The following LYRM4 variants were observed in gnomAD, a reference collection of about 807,000 sequenced individuals.
LYRM4 encodes LYR motif containing 4.
In LYRM4, 9 loss-of-function variants were observed where a neutral mutation model predicts 11.7. The ratio of observed to expected loss-of-function variants is 0.77; its 90% CI spans 0.46 to 1.34. LYRM4 has a LOEUF of 1.34. Ranked by LOEUF, LYRM4 falls within the 40% of genes most tolerant of loss-of-function variation. The pLI, the probability that LYRM4 is intolerant of heterozygous loss-of-function variation, is 0.00. For missense variants in LYRM4, 133 were observed against 112.5 expected, an observed-to-expected ratio of 1.18 and a Z score of -0.82; for synonymous variants, 42 against 40.4, an observed-to-expected ratio of 1.04 and a Z score of -0.15.
chr6:5,034,355 G>A, the LYRM4 span: 1 of 152,238 alleles, frequency 6.6e-6, no homozygotes, highest in South Asian at 2.1e-4. Context: ...GATGATGTCT[G>A]ATACAGTTTG....
intron 2 of LYRM4, among the ~76,000 whole-genome samples, chr6:5,164,276 T>C (rs1365686636): frequency 2.6e-5 from 4 of 152,132 alleles, no homozygotes; most frequent in Non-Finnish European, 4.4e-5. Context: ...AAAGTTCACA[T>C]TGGCACTATT....
chr6:5,048,290 GGTGTGTGTGTGT>G, the LYRM4 span, among the ~76,000 whole-genome samples: 136 of 140,056 alleles, frequency 9.7e-4, no homozygotes, highest in East Asian at 1.1e-3. Flanking sequence ...GACACTTTGT[GGTGTGTGTGTGT>G]GTGTGTGTGT....
intron 2 of LYRM4, among the ~76,000 whole-genome samples, chr6:5,176,165 A>G (rs1759710350): frequency 6.6e-6 from 1 of 151,898 alleles, no homozygotes; most frequent in South Asian, 2.1e-4. Context: ...CCCGGGTTCA[A>G]ACTATACTTC....
chr6:5,142,192 A>G (rs1387034493), intron 2 of LYRM4, among the ~76,000 whole-genome samples: 1 of 151,672 alleles, frequency 6.6e-6, no homozygotes, highest in Non-Finnish European at 1.5e-5. Context: ...ACGCTGTACA[A>G]CTCCTGAGGC....
At chr6:5,170,898 A>C (rs574044768) in intron 2 of LYRM4, among the ~76,000 whole-genome samples, 1 of 152,240 alleles carries the variant, frequency 6.6e-6, no homozygotes, top group African/African-American at 2.4e-5. Context: ...CTAACGGTCC[A>C]CCATTAGGGG....
chr6:5,185,886 G>T (rs535160276), intron 2 of LYRM4, among the ~76,000 whole-genome samples: 1 of 152,246 alleles, frequency 6.6e-6, no homozygotes, highest in African/African-American at 2.4e-5. Flanking sequence ...GACAGAGTGG[G>T]AGGGCCAGCA....
intron 1 of LYRM4, among the ~76,000 whole-genome samples, chr6:5,244,443 C>T (rs759885105): frequency 1.1e-4 from 16 of 152,184 alleles, no homozygotes; most frequent in Non-Finnish European, 2.2e-4. Flanking sequence ...ATCCCTTCCC[C>T]CATCCCTGCT....
Position 5,120,161 on chromosome 6 carries a change from C to A in LYRM4, c.208-10670G>T, listed in dbSNP as rs1448379903. On this transcript the variant is annotated intron_variant, in intron 2 of 2. Transcript: ENST00000330636. ...CCATCCACCTCGGCCTCCCAAAGTG[C>A]TAGGATTATAGGCATGAGGCACGGT... Among the ~76,000 whole-genome samples the A allele has an allele frequency of 3.3e-5, 5 of 152,120 alleles. No homozygotes were observed. In the East Asian group the frequency reaches 9.7e-4, roughly 29 times the overall value.
chr6:5,194,713 A>T (rs1390927156), intron 2 of LYRM4, among the ~76,000 whole-genome samples: 1 of 152,216 alleles, frequency 6.6e-6, no homozygotes, highest in East Asian at 1.9e-4. Flanking sequence ...AGGAAAATAT[A>T]GAAACACTGT....
At chr6:5,140,827 C>T (rs949367874) in intron 2 of LYRM4, among the ~76,000 whole-genome samples, 1 of 152,192 alleles carries the variant, frequency 6.6e-6, no homozygotes, top group Middle Eastern at 3.2e-3. Flanking sequence ...GAAACCAAAA[C>T]GTAGACTTTC....
intron 1 of LYRM4, among the ~76,000 whole-genome samples, chr6:5,248,327 T>C (rs532437466): frequency 6.6e-6 from 1 of 152,390 alleles, no homozygotes; most frequent in Non-Finnish European, 1.5e-5. Flanking sequence ...TAAACTCAAC[T>C]AGGGCAATGG....
At chr6:5,058,737 G>C in the LYRM4 span, among the ~76,000 whole-genome samples, 9 of 151,992 alleles carry the variant, frequency 5.9e-5, no homozygotes, top group Non-Finnish European at 1.2e-4. Context: ...TGCTTGATTC[G>C]GTTTTACAGC....
At chr6:5,152,892 C>T (rs928635506) in intron 2 of LYRM4, among the ~76,000 whole-genome samples, 1 of 152,172 alleles carries the variant, frequency 6.6e-6, no homozygotes, top group Non-Finnish European at 1.5e-5. Context: ...ATGAGAAAGG[C>T]ATAAGGGTGG....
At chr6:5,173,704 A>G (rs1211674476) in intron 2 of LYRM4, among the ~76,000 whole-genome samples, 1 of 152,202 alleles carries the variant, frequency 6.6e-6, no homozygotes, top group Non-Finnish European at 1.5e-5. Flanking sequence ...TATGCTAATC[A>G]CCTTTCATAA....
intron 2 of LYRM4, among the ~76,000 whole-genome samples, chr6:5,203,148 C>G (rs372042536): frequency 1.3e-5 from 2 of 152,192 alleles, no homozygotes; most frequent in East Asian, 3.8e-4. Flanking sequence ...CCACGCCCCC[C>G]GGACTTTGGT....
chr6:5,247,151 G>A (rs938721922), intron 1 of LYRM4, among the ~76,000 whole-genome samples: 1 of 152,046 alleles, frequency 6.6e-6, no homozygotes, highest in African/African-American at 2.4e-5. Flanking sequence ...CTCTGGTTTG[G>A]TTATACCCCC....
intron 2 of LYRM4, among the ~76,000 whole-genome samples, chr6:5,146,044 A>G (rs919103716): frequency 6.6e-6 from 1 of 152,156 alleles, no homozygotes; most frequent in African/African-American, 2.4e-5. Flanking sequence ...TATACATTCA[A>G]TGAGATCGCT....
chr6:5,198,962 T>C (rs1399664887), intron 2 of LYRM4, among the ~76,000 whole-genome samples: 2 of 152,194 alleles, frequency 1.3e-5, no homozygotes, highest in Non-Finnish European at 2.9e-5. Flanking sequence ...GTGGTAATAA[T>C]GCACAATGGT....
intron 2 of LYRM4, among the ~76,000 whole-genome samples, chr6:5,189,564 A>T (rs1760633996): frequency 6.6e-6 from 1 of 152,196 alleles, no homozygotes; most frequent in Non-Finnish European, 1.5e-5. Flanking sequence ...ATTTCGGGTG[A>T]CTGAAATTCC....
Sources: allele counts gnomAD v4.1 joint callset (sites outside exome capture counted in the v4.1 genomes callset), GRCh38; gene constraint gnomAD v4.1.1; transcripts MANE v1.5; gene names NCBI Gene and HGNC (gene_info 2026-07-23, HGNC 2026-07-21).